Variants in NUP153 observed in about 807,000 individuals in gnomAD.
NUP153 encodes nuclear pore complex protein Nup153.
Under a neutral mutation model 134.6 loss-of-function variants are expected in NUP153, and 27 were observed. The observed-to-expected ratio is 0.20, with a 90% CI of 0.15 to 0.28. The LOEUF (loss-of-function observed/expected upper bound fraction) is 0.28. Ranked by LOEUF, NUP153 falls within the 10% of genes least tolerant of loss-of-function variation. The pLI, the probability that NUP153 is intolerant of heterozygous loss-of-function variation, is 1.00. For missense variants in NUP153, 1,821 were observed against 1,731.3 expected (o/e 1.05, Z -0.92); for synonymous variants, 640 against 623.5 (o/e 1.03, Z -0.40).
chr6:17,644,773 T>A (rs1406104947), intron 14 of NUP153, among the ~76,000 whole-genome samples: 1 of 151,970 alleles, frequency 6.6e-6, no homozygotes, highest in African/African-American at 2.4e-5. Flanking sequence ...GTGAAACACC[T>A]CTCTACTAAA....
intron 1 of NUP153, among the ~76,000 whole-genome samples, chr6:17,693,047 T>C (rs554067017): frequency 6.6e-6 from 1 of 152,178 alleles, no homozygotes; most frequent in Non-Finnish European, 1.5e-5. Flanking sequence ...GCTAAATACA[T>C]ACAGTTCATA....
intron 9 of NUP153, among the ~76,000 whole-genome samples, chr6:17,664,528 G>A (rs924829982): frequency 6.6e-6 from 1 of 152,090 alleles, no homozygotes. Flanking sequence ...CTGGATATTA[G>A]ATAATTTTAA....
intron 13 of NUP153, among the ~76,000 whole-genome samples, 170 bp from the exon 14 acceptor site, chr6:17,646,324 C>T (rs1018171739): frequency 5.3e-5 from 8 of 152,078 alleles, no homozygotes; most frequent in African/African-American, 1.7e-4. Context: ...TCTCCTGCCT[C>T]GGCCTCCCGA....
chr6:17,640,209 C>T, intron 14 of NUP153, 145 bp from the exon 15 acceptor site: 1 of 573,534 alleles, frequency 1.7e-6, no homozygotes, highest in Admixed American at 3.8e-5. Context: ...AAACAAATGA[C>T]TTTACAGGGA....
intron 9 of NUP153, among the ~76,000 whole-genome samples, chr6:17,664,478 T>C (rs922927750): frequency 1.3e-5 from 2 of 152,148 alleles, no homozygotes; most frequent in African/African-American, 4.8e-5. Context: ...GCTCGAGTCC[T>C]GGTTCAAAAA....
intron 16 of NUP153, among the ~76,000 whole-genome samples, chr6:17,635,537 G>C (rs1765506766): frequency 6.6e-6 from 1 of 152,130 alleles, no homozygotes; most frequent in Non-Finnish European, 1.5e-5. Context: ...AAGTAGCTGG[G>C]ACTATAGGCG....
chr6:17,646,781 C>T (rs1162066168), intron 13 of NUP153, among the ~76,000 whole-genome samples: 1 of 151,750 alleles, frequency 6.6e-6, no homozygotes, highest in East Asian at 1.9e-4. Context: ...CTCTTGTTGC[C>T]TGAGCTGGAG....
At chr6:17,631,248 T>C (rs1025752733) in intron 17 of NUP153, among the ~76,000 whole-genome samples, 2 of 152,230 alleles carry the variant, frequency 1.3e-5, no homozygotes, top group Non-Finnish European at 1.5e-5. Context: ...TATAGACATA[T>C]ACGCTGTGCA....
intron 11 of NUP153, chr6:17,651,953 G>C (rs1216428494): frequency 1.6e-6 from 1 of 611,396 alleles, no homozygotes; most frequent in East Asian, 2.8e-5. Context: ...AAATTGGCGA[G>C]GTATGATGGC....
chr6:17,692,529 AG>A (rs2113855290), intron 1 of NUP153, among the ~76,000 whole-genome samples: 1 of 152,270 alleles, frequency 6.6e-6, no homozygotes, highest in South Asian at 2.1e-4. Context: ...AAAGACAAAA[AG>A]AAAGGAGGGA....
chr6:17,700,245 TA>T (rs1769964761), intron 1 of NUP153, among the ~76,000 whole-genome samples: 1 of 152,094 alleles, frequency 6.6e-6, no homozygotes, highest in Non-Finnish European at 1.5e-5. Context: ...TGCATATATA[TA>T]ATAAGGACTC....
At position 17,643,239 on chromosome 6, in the gene NUP153, T is replaced by G. The variant is rs912539481; in HGVS notation, c.1720+2828A>C. ...TGTAATCCCAGCACTCTGAGACGCCTAGGCGGCCAGATCACCTGAGGTCAG... is the reference window on the plus strand; with the variant it reads ...TGTAATCCCAGCACTCTGAGACGCCGAGGCGGCCAGATCACCTGAGGTCAG... On this transcript the variant is annotated intron_variant, in intron 14 of 21. Transcript: ENST00000262077. 5.9e-5 allele frequency among the ~76,000 whole-genome samples: 9 copies of G among 152,168 alleles called. No individual in the cohort carries two copies. In the East Asian group the frequency reaches 1.5e-3, roughly 26 times the overall value.
intron 14 of NUP153, among the ~76,000 whole-genome samples, chr6:17,642,954 CAT>C (rs1334731175): frequency 6.6e-6 from 1 of 152,168 alleles, no homozygotes; most frequent in African/African-American, 2.4e-5. Context: ...ACTTACATGA[CAT>C]ATTCAGAATA....
At chr6:17,632,121 G>A (rs1025359104) in intron 17 of NUP153, among the ~76,000 whole-genome samples, 10 of 151,914 alleles carry the variant, frequency 6.6e-5, no homozygotes, top group Admixed American at 1.3e-4. Context: ...TAATTTAGAG[G>A]TGTATTCCCA....
chr6:17,699,286 G>A (rs1217704374), intron 1 of NUP153, among the ~76,000 whole-genome samples: 1 of 151,168 alleles, frequency 6.6e-6, no homozygotes, highest in East Asian at 2.0e-4. Flanking sequence ...CACAAGGTCA[G>A]GACTTCAAGA....
At chr6:17,699,074 T>C (rs190521913) in intron 1 of NUP153, among the ~76,000 whole-genome samples, 1 of 152,356 alleles carries the variant, frequency 6.6e-6, no homozygotes, top group Admixed American at 6.5e-5. Context: ...CCTATCATCC[T>C]GTTTCTGACA....
At chr6:17,617,549 G>A (rs116759139) in intron 20 of NUP153, among the ~76,000 whole-genome samples, 1 of 149,984 alleles carries the variant, frequency 6.7e-6, no homozygotes, top group African/African-American at 2.5e-5. Flanking sequence ...CCAACACAAA[G>A]ATGGTAATTA....
intron 2 of NUP153, among the ~76,000 whole-genome samples, chr6:17,686,227 A>G (rs1164302258): frequency 2.6e-5 from 4 of 152,130 alleles, no homozygotes; most frequent in African/African-American, 9.7e-5. Context: ...GAAGTATTCC[A>G]GAAGAAGGCA....
Position 17,615,816 on chromosome 6 carries a change from C to T in NUP153, c.*281G>A, listed in dbSNP as rs1561845720. 2.8e-6 allele frequency: 1 copy of T among 356,842 alleles called. No homozygotes were observed. The highest frequency in any genetic ancestry group is 2.1e-5 in the African/African-American group (1 of 47,668). 22.1% of individuals were successfully genotyped at this position (356,842 alleles called of 1,614,324 possible). A position where few individuals can be genotyped will look rare whatever the true frequency, so the allele number is the denominator to read the frequency against. The stretch of plus-strand genomic sequence containing the variant: ...AGCCATTCACCGTGCAGGCTCCATT[C>T]CTGGGTACAGCCAGACTATGTCAAA... On this transcript the variant is annotated 3_prime_UTR_variant, in exon 22 of 22. Coordinates refer to ENST00000262077, the MANE Select transcript of NUP153 (RefSeq NM_005124.4). The surrounding 1 kb of genome is among the most constrained non-coding windows in gnomAD (Gnocchi z 5.7).
Sources: allele counts gnomAD v4.1 joint callset (sites outside exome capture counted in the v4.1 genomes callset), GRCh38; gene constraint gnomAD v4.1.1; non-coding constraint Gnocchi (gnomAD v3.1); transcripts MANE v1.5; gene names NCBI Gene and HGNC (gene_info 2026-07-23, HGNC 2026-07-21).